CNST: variants seen among roughly 807,000 people sequenced by gnomAD.
CNST encodes consortin, connexin sorting protein.
CNST carries 39 observed loss-of-function variants against 72.4 expected under a neutral mutation model. The ratio of observed to expected loss-of-function variants is 0.54; its 90% CI spans 0.42 to 0.70. The LOEUF (loss-of-function observed/expected upper bound fraction) is 0.70, where lower values mean the gene tolerates loss of function less well. Ranked by LOEUF, CNST falls within the 30% of genes least tolerant of loss-of-function variation. The pLI is 0.00. For missense variants in CNST, 871 were observed against 868.5 expected, an observed-to-expected ratio of 1.00 and a Z score of -0.04; for synonymous variants, 332 against 320.1, an observed-to-expected ratio of 1.04 and a Z score of -0.40.
rs186420356 is a variant in CNST at position 246,658,308 on chromosome 1, T to G, written c.1837-1891T>G. ...TCAGCAAGGTGCTTATAAAACCTGT[T>G]TTCTCTGTTGTGTGAGGGAGTTCTT... On this transcript the variant is annotated intron_variant, in intron 9 of 10. Coordinates refer to ENST00000366513, the MANE Select transcript of CNST (RefSeq NM_152609.3). Among the ~76,000 whole-genome samples, 11 of 152,330 alleles carry G rather than the reference T, an allele frequency of 7.2e-5. No homozygotes were observed. The East Asian group carries it at 2.1e-3, about 29-fold the overall frequency.
chr1:246,613,489 A>G (rs1015411221), intron 2 of CNST, among the ~76,000 whole-genome samples: 3 of 151,730 alleles, frequency 2.0e-5, no homozygotes, highest in Non-Finnish European at 2.9e-5. Context: ...TTTTAATTTG[A>G]TCTAGTTTCA....
At chr1:246,625,482 C>T (rs146776071) in intron 3 of CNST, among the ~76,000 whole-genome samples, 8,385 of 124,696 alleles carry the variant, frequency 0.067, 393 homozygotes, top group Non-Finnish European at 0.09. Context: ...AGTGCAGTGG[C>T]GTGATCTTGG....
In CNST at chr1:246,591,521, G is replaced by T. The variant is rs79040146; in HGVS notation, c.-42G>T. 6.2e-7 allele frequency: 1 copy of T among 1,608,216 alleles called. No homozygotes were observed. The highest frequency in any genetic ancestry group is 8.5e-7 in the Non-Finnish European group (1 of 1,175,932). ...CTTTTTGTCATTGTAGACATGGAAG[G>T]TCTTTAATGTAACTTTAAATGGTTC... is the stretch of plus-strand genomic sequence containing the variant. On this transcript the variant is annotated 5_prime_UTR_variant, in exon 2 of 11. Coordinates refer to ENST00000366513, the MANE Select transcript of CNST (RefSeq NM_152609.3).
At chr1:246,591,306 G>T (rs1208933805) in intron 1 of CNST, among the ~76,000 whole-genome samples, 1 of 152,186 alleles carries the variant, frequency 6.6e-6, no homozygotes, top group African/African-American at 2.4e-5. Flanking sequence ...TCATCATGAG[G>T]AGACAGGCTT....
In CNST at chr1:246,566,508, G is replaced by A. The variant is rs986832826; in HGVS notation, c.-207G>A. On this transcript the variant is annotated 5_prime_UTR_variant, in exon 1 of 11. Transcript: ENST00000366513. ...GGCCAGCCGCGAGGGGTGCGCAGAG[G>A]GAGGCGGGGCGGAAAGGCGAGAGGT... 2.1e-5 allele frequency: 9 copies of A among 435,256 alleles called. No homozygotes were observed. The highest frequency in any genetic ancestry group is 1.8e-4 in the African/African-American group (9 of 50,182). 27.0% of individuals were successfully genotyped at this position (435,256 alleles called of 1,614,324 possible).
intron 2 of CNST, among the ~76,000 whole-genome samples, chr1:246,618,075 C>A (rs1663817168): frequency 3.9e-5 from 6 of 152,126 alleles, no homozygotes; most frequent in Admixed American, 3.9e-4. Flanking sequence ...AAAAATACAC[C>A]CAGAAAGGAA....
In CNST at chr1:246,647,362, A is replaced by C. The variant is rs570650403; in HGVS notation, c.1161A>C (p.Pro387=). 1.2e-6 allele frequency: 2 copies of C among 1,614,060 alleles called. No homozygotes were observed. Among genetic ancestry groups the C allele is most frequent in the Admixed American group, 3.3e-5 (2 of 60,018 alleles). ...AGACAGCAGGGAGCCCGTCTGGGCC[A>C]GACTCTTCTGAGGATGCTTGTGAGG... ...SSETAGSPSG[P]DSSEDACEDD... Residue 387 remains proline, a synonymous_variant, in exon 9 of 11, where the codon CCA becomes CCC. Coordinates refer to ENST00000366513, the MANE Select transcript of CNST (RefSeq NM_152609.3).
Position 246,585,561 on chromosome 1 carries a change from C to G in CNST, c.-51-5951C>G, listed in dbSNP as rs369554446. Among the ~76,000 whole-genome samples the G allele has an allele frequency of 2.3e-3, 348 of 148,866 alleles. 3 individuals carry two copies. Among genetic ancestry groups the G allele is most frequent in the African/African-American group, 8.2e-3 (332 of 40,532 alleles). ...ACTCAGGTGGCTGAGGCGGCAGAAT[C>G]ACTTGAATCGGGAGGCAGAGGTTGC... On this transcript the variant is annotated intron_variant, in intron 1 of 10. Coordinates refer to ENST00000366513, the MANE Select transcript of CNST (RefSeq NM_152609.3).
At chr1:246,588,537 C>T (rs1013002249) in intron 1 of CNST, among the ~76,000 whole-genome samples, 1 of 152,142 alleles carries the variant, frequency 6.6e-6, no homozygotes, top group African/African-American at 2.4e-5. Flanking sequence ...GCTACTGTGA[C>T]ACTGTCAAGG....
intron 9 of CNST, among the ~76,000 whole-genome samples, 190 bp from the exon 10 acceptor site, chr1:246,660,009 T>C (rs1666999607): frequency 6.6e-6 from 1 of 152,174 alleles, no homozygotes; most frequent in African/African-American, 2.4e-5. Context: ...TTTTGGACTT[T>C]TGTGTTTCTC....
chr1:246,666,080 C>T lies in CNST; in HGVS notation c.*175C>T, dbSNP rs1484312820. On this transcript the variant is annotated 3_prime_UTR_variant, in exon 11 of 11. Transcript: ENST00000366513. ...AGGAACTCTGTTAGAATAATCCACA[C>T]AGTGAGGCAAATATCAATCTAAGCA... 1.7e-6 allele frequency: 1 copy of T among 584,144 alleles called. No homozygotes were observed. The highest frequency in any genetic ancestry group is 1.9e-5 in the African/African-American group (1 of 53,628). 36.2% of individuals were successfully genotyped at this position (584,144 alleles called of 1,614,324 possible). A position where few individuals can be genotyped will look rare whatever the true frequency, so the allele number is the denominator to read the frequency against.
At chr1:246,643,489 G>A (rs1665853572) in intron 8 of CNST, among the ~76,000 whole-genome samples, 1 of 152,212 alleles carries the variant, frequency 6.6e-6, no homozygotes, top group Non-Finnish European at 1.5e-5. Flanking sequence ...TACTTAGCAT[G>A]GTTGCTGCGC....
Position 246,621,470 on chromosome 1 carries a change from G to C in CNST, c.421G>C (p.Val141Leu), listed in dbSNP as rs1664085055. The change falls in exon 3 of 11, where the codon GTA (valine) becomes CTA (leucine). Residue 141 changes from valine (V) to leucine (L), a missense_variant. By Grantham distance (32) the Val-to-Leu change is conservative. Coordinates refer to ENST00000366513, the MANE Select transcript of CNST (RefSeq NM_152609.3). ...GDIAPLMQEK[V>L]LSAVTYAVDD... ...TATTGCACCTTTAATGCAAGAAAAA[G>C]TACTAAGCGCAGTCACATATGCTGT... The C allele has an allele frequency of 6.2e-7, 1 of 1,614,124 alleles. No homozygotes were observed. Among genetic ancestry groups the C allele is most frequent in the African/African-American group, 1.3e-5 (1 of 75,044 alleles).
intron 1 of CNST, among the ~76,000 whole-genome samples, chr1:246,574,940 A>G (rs924240602): frequency 2.0e-5 from 3 of 151,824 alleles, no homozygotes; most frequent in Non-Finnish European, 2.9e-5. Context: ...TAGTGAGTCA[A>G]AGAACAAATC....
At chr1:246,586,109 ATATGTGTG>A (rs199526432) in intron 1 of CNST, among the ~76,000 whole-genome samples, 81 of 122,186 alleles carry the variant, frequency 6.6e-4, no homozygotes, top group South Asian at 2.1e-3. Flanking sequence ...ATATATATAT[ATATGTGTG>A]TGTGTGTGTG....
chr1:246,594,423 T>G (rs1375890463), intron 2 of CNST, among the ~76,000 whole-genome samples: 1 of 152,178 alleles, frequency 6.6e-6, no homozygotes, highest in African/African-American at 2.4e-5. Context: ...GGGATAGTCT[T>G]TATACAGCTT....
At chr1:246,606,281 G>A (rs1662804519) in intron 2 of CNST, 2 of 151,948 alleles carry the variant, frequency 1.3e-5, no homozygotes, top group Admixed American at 6.6e-5. Flanking sequence ...GTCCCTACCA[G>A]CGTTTTAAAT....
chr1:246,634,939 G>C (rs942021444), intron 6 of CNST, among the ~76,000 whole-genome samples: 7 of 152,050 alleles, frequency 4.6e-5, no homozygotes, highest in Non-Finnish European at 7.4e-5. Flanking sequence ...TGGCCTCTCT[G>C]TCTATCCTCG....
At chr1:246,659,486 C>T (rs945111448) in intron 9 of CNST, among the ~76,000 whole-genome samples, 16 of 151,956 alleles carry the variant, frequency 1.1e-4, no homozygotes, top group South Asian at 2.1e-4. Context: ...TCCCAGCTAC[C>T]CCGGAGGCTG....
Sources: gnomAD v4.1 joint callset for allele counts (sites outside exome capture counted in the v4.1 genomes callset) on GRCh38, gnomAD v4.1.1 for gene constraint, MANE v1.5 for transcripts, NCBI Gene and HGNC (gene_info 2026-07-23, HGNC 2026-07-21) for gene names.